SEPTIN6: variants seen among roughly 807,000 people sequenced by gnomAD.
The protein encoded by SEPTIN6 is septin-6.
Under a neutral mutation model 33.6 loss-of-function variants are expected in SEPTIN6, and 8 were observed. The observed-to-expected ratio is 0.24, with a 90% CI of 0.14 to 0.43. SEPTIN6 has a LOEUF of 0.43. Ranked by LOEUF, SEPTIN6 falls within the 20% of genes least tolerant of loss-of-function variation. The pLI, the probability that SEPTIN6 is intolerant of heterozygous loss-of-function variation, is 1.00. For synonymous variants in SEPTIN6, 131 were observed against 140.0 expected (o/e 0.94, Z 0.45); for missense variants, 250 against 340.8 (o/e 0.73, Z 2.10).
intron 10 of SEPTIN6, among the ~76,000 whole-genome samples, chrX:119,622,651 CAAT>C (rs2053788707): frequency 8.9e-6 from 1 of 112,359 alleles, no homozygotes; most frequent in Non-Finnish European, 1.9e-5. Flanking sequence ...TGGCCACTAA[CAAT>C]GATTTACTTG....
intron 2 of SEPTIN6, among the ~76,000 whole-genome samples, chrX:119,665,458 C>T (rs1210252295): frequency 8.9e-6 from 1 of 111,762 alleles, no homozygotes; most frequent in Non-Finnish European, 1.9e-5. Context: ...TACTAGGCTG[C>T]GAGATACTAA....
rs748752259 is a variant in SEPTIN6, at chrX:119,618,397, A to T, written c.*1696T>A. 7 of 836,129 alleles carry T rather than the reference A, an allele frequency of 8.4e-6. No homozygotes were observed. Among genetic ancestry groups the T allele is most frequent in the Non-Finnish European group, 1.0e-5 (7 of 691,462 alleles). The allele number at this position is 836,129 out of a possible 1,213,427, so 68.9% of individuals were successfully genotyped here. A position where few individuals can be genotyped will look rare whatever the true frequency, so the allele number is the denominator to read the frequency against. The stretch of plus-strand genomic sequence containing the variant: ...AAGTGCGTGCATATGTTTGCTTTTC[A>T]TTTTTTTCTTTTTGCTTCCTATTAT... On this transcript the variant is annotated 3_prime_UTR_variant, in exon 11 of 11. Transcript: ENST00000394610.
At chrX:119,620,447 C>T (rs1353874606) in intron 10 of SEPTIN6, among the ~76,000 whole-genome samples, 3 of 106,757 alleles carry the variant, frequency 2.8e-5, no homozygotes, top group Admixed American at 1.0e-4. Context: ...GCCTCCCCAG[C>T]AGCTGGGACT....
At chrX:119,692,739 C>T (rs1033911177) in intron 1 of SEPTIN6, among the ~76,000 whole-genome samples, 35 of 112,819 alleles carry the variant, frequency 3.1e-4, no homozygotes, top group African/African-American at 1.1e-3. Context: ...CTCGGCGGCT[C>T]CTACGGCCAT....
At chrX:119,669,310 C>T (rs2054703289) in intron 2 of SEPTIN6, among the ~76,000 whole-genome samples, 1 of 112,921 alleles carries the variant, frequency 8.9e-6, no homozygotes, top group African/African-American at 3.2e-5. Flanking sequence ...GTTATAGGAG[C>T]TGCAGATACA....
intron 8 of SEPTIN6, among the ~76,000 whole-genome samples, chrX:119,632,341 G>A (rs1157774562): frequency 2.8e-5 from 3 of 108,420 alleles, no homozygotes; most frequent in African/African-American, 1.0e-4. Context: ...GACTACAGGC[G>A]CCCGCCACCA....
chrX:119,638,162 T>C (rs1242281654), intron 6 of SEPTIN6, among the ~76,000 whole-genome samples: 2 of 111,572 alleles, frequency 1.8e-5, no homozygotes, highest in African/African-American at 6.5e-5. Context: ...ACCGCAGGCA[T>C]GGCCCACCTG....
rs533047224 is a variant in SEPTIN6 at position 119,635,346 on chromosome X, T to C, written c.956+1681A>G. ...AGAAGTAAGACTAGCTTGGGAACCA[T>C]CTACTTCTAGGTGGTAATTAGGGCT... On this transcript the variant is annotated intron_variant, in intron 7 of 10. Transcript: ENST00000394610. Among the ~76,000 whole-genome samples the C allele has an allele frequency of 2.7e-5, 3 of 110,942 alleles. No individual in the cohort carries two copies. In the South Asian group the frequency reaches 1.2e-3, roughly 43 times the overall value.
chrX:119,673,841 C>CAAAAAAAAAAAA (rs774954935), intron 2 of SEPTIN6, among the ~76,000 whole-genome samples: 3 of 38,203 alleles, frequency 7.9e-5, no homozygotes, highest in East Asian at 7.0e-4. Flanking sequence ...GACTCTGTCT[C>CAAAAAAAAAAAA]AAAAAAAAAA....
chrX:119,644,823 C>T lies in SEPTIN6; in HGVS notation c.691-4035G>A, dbSNP rs182746581. On this transcript the variant is annotated intron_variant, in intron 5 of 10. Transcript: ENST00000394610. ...CCAAGATCGCACCACTGCACTGCAG[C>T]CTGGCCGACAGAGCGAGACTCCATC... Among the ~76,000 whole-genome samples, 343 of 109,312 alleles carry T rather than the reference C, an allele frequency of 3.1e-3. 1 individual carries two copies. The highest frequency in any genetic ancestry group is 0.011 in the African/African-American group (324 of 30,001). The allele number at this position is 109,312 out of a possible 115,157, so 94.9% of individuals were successfully genotyped here.
intron 5 of SEPTIN6, among the ~76,000 whole-genome samples, chrX:119,641,863 A>G (rs1347658859): frequency 8.8e-6 from 1 of 113,157 alleles, no homozygotes; most frequent in Non-Finnish European, 1.9e-5. Flanking sequence ...ACCAACAGGT[A>G]AAGAGCCTAT....
At chrX:119,630,555 A>G (rs1459811981) in intron 8 of SEPTIN6, among the ~76,000 whole-genome samples, 1 of 112,292 alleles carries the variant, frequency 8.9e-6, no homozygotes, top group Non-Finnish European at 1.9e-5. Context: ...CCAAAGAAGA[A>G]CAAGAAGAAT....
At position 119,619,732 on chromosome X, in the gene SEPTIN6, G is replaced by A. The variant is rs1438194802; in HGVS notation, c.*361C>T. ...CAGCAACCAGAACTGGAACAGGGGA[G>A]CTGGTGGGAAAGAGTAGCAGATGGG... On this transcript the variant is annotated 3_prime_UTR_variant, in exon 11 of 11. Transcript: ENST00000394610. 1 of 972,600 alleles carries A rather than the reference G, an allele frequency of 1.0e-6. No homozygotes were observed. Among genetic ancestry groups the A allele is most frequent in the African/African-American group, 2.0e-5 (1 of 49,597 alleles). 80.2% of individuals were successfully genotyped at this position (972,600 alleles called of 1,213,427 possible). A position where few individuals can be genotyped will look rare whatever the true frequency, so the allele number is the denominator to read the frequency against.
At chrX:119,620,204 G>A (rs1484577011) in intron 10 of SEPTIN6, among the ~76,000 whole-genome samples, 153 bp from the exon 11 acceptor site, 2 of 110,854 alleles carry the variant, frequency 1.8e-5, no homozygotes, top group East Asian at 5.6e-4. Flanking sequence ...CATTGGCTCC[G>A]GGGAACATGC....
chrX:119,683,525 C>T (rs2055000851), intron 1 of SEPTIN6, among the ~76,000 whole-genome samples: 1 of 112,501 alleles, frequency 8.9e-6, no homozygotes, highest in Non-Finnish European at 1.9e-5. Flanking sequence ...TCACCAAAGG[C>T]AAACAACAAC....
chrX:119,639,369 C>T (rs1008983528), intron 6 of SEPTIN6, among the ~76,000 whole-genome samples: 3 of 112,046 alleles, frequency 2.7e-5, no homozygotes, highest in African/African-American at 9.8e-5. Context: ...CAGCGCCATC[C>T]TTGGCCTTGT....
intron 2 of SEPTIN6, among the ~76,000 whole-genome samples, chrX:119,671,153 GA>G (rs2054739701): frequency 9.0e-6 from 1 of 111,083 alleles, no homozygotes; most frequent in Non-Finnish European, 1.9e-5. Context: ...GCCCTATCAA[GA>G]AAAAGAAACG....
chrX:119,645,115 C>T (rs1361064502), intron 5 of SEPTIN6, among the ~76,000 whole-genome samples: 1 of 108,483 alleles, frequency 9.2e-6, no homozygotes, highest in African/African-American at 3.4e-5. Context: ...GCCATGTTGG[C>T]CAGGCTGGTC....
At chrX:119,632,615 TTAAG>T (rs949531088) in intron 8 of SEPTIN6, among the ~76,000 whole-genome samples, 2 of 110,272 alleles carry the variant, frequency 1.8e-5, no homozygotes, top group East Asian at 2.8e-4. Context: ...CGTGAAGTAA[TTAAG>T]TGTTTCCTTT....
Sources: allele counts gnomAD v4.1 joint callset (sites outside exome capture counted in the v4.1 genomes callset), GRCh38; gene constraint gnomAD v4.1.1; transcripts MANE v1.5; gene names NCBI Gene and HGNC (gene_info 2026-07-23, HGNC 2026-07-21).